MCU: variants seen among roughly 807,000 people sequenced by gnomAD.
The protein encoded by MCU is mitochondrial calcium uniporter.
In MCU, 12 loss-of-function variants were observed where a neutral mutation model predicts 45.2. The ratio of observed to expected loss-of-function variants is 0.27; its 90% CI spans 0.17 to 0.43. The LOEUF is 0.43. Ranked by LOEUF, MCU falls within the 20% of genes least tolerant of loss-of-function variation. MCU has a pLI of 1.00. For synonymous variants in MCU, 160 were observed against 165.1 expected, an observed-to-expected ratio of 0.97 and a Z score of 0.24; for missense variants, 324 against 436.7, an observed-to-expected ratio of 0.74 and a Z score of 2.30.
chr10:72,807,962 C>A (rs1030161962), intron 1 of MCU, among the ~76,000 whole-genome samples: 1 of 152,162 alleles, frequency 6.6e-6, no homozygotes, highest in Non-Finnish European at 1.5e-5. Context: ...TAAATGCAAT[C>A]TAGTCAATAA....
intron 1 of MCU, among the ~76,000 whole-genome samples, chr10:72,813,739 G>A (rs1475361453): frequency 5.3e-5 from 8 of 152,136 alleles, no homozygotes; most frequent in African/African-American, 1.4e-4. Context: ...GATTACAGGC[G>A]TGAGCCCCTG....
intron 1 of MCU, among the ~76,000 whole-genome samples, chr10:72,713,851 A>G (rs1021923904): frequency 1.3e-5 from 2 of 151,918 alleles, no homozygotes; most frequent in Admixed American, 6.6e-5. Flanking sequence ...AATTTAAAAA[A>G]TGTTTCTTAT....
At chr10:72,864,796 CAGTT>C (rs1457321825) in intron 4 of MCU, among the ~76,000 whole-genome samples, 1 of 152,104 alleles carries the variant, frequency 6.6e-6, no homozygotes, top group African/African-American at 2.4e-5. Flanking sequence ...AGATCAGGGA[CAGTT>C]AGCCATTTAT....
intron 1 of MCU, among the ~76,000 whole-genome samples, chr10:72,706,773 G>A (rs531320439): frequency 4.0e-4 from 60 of 149,630 alleles, no homozygotes; most frequent in Middle Eastern, 3.6e-3. Flanking sequence ...TTGACCTCAC[G>A]ATCTGCCCGC....
intron 1 of MCU, among the ~76,000 whole-genome samples, chr10:72,764,807 G>GGAAT (rs1390534711): frequency 2.6e-5 from 4 of 152,080 alleles, no homozygotes; most frequent in African/African-American, 9.7e-5. Flanking sequence ...AAGAGAATAG[G>GGAAT]ATTTATCAGG....
chr10:72,779,206 G>A (rs1843949391), intron 1 of MCU, among the ~76,000 whole-genome samples: 1 of 152,094 alleles, frequency 6.6e-6, no homozygotes, highest in Admixed American at 6.5e-5. Flanking sequence ...TTGACTTCGT[G>A]ATCCCCCCAC....
intron 1 of MCU, among the ~76,000 whole-genome samples, chr10:72,805,201 C>CCTTCCTTCCTTT (rs1157178901): frequency 1.4e-5 from 2 of 143,584 alleles, no homozygotes; most frequent in African/African-American, 5.4e-5. Context: ...TTCCTTCCTT[C>CCTTCCTTCCTTT]CTTTCTTCCT....
rs370076544 is a variant in MCU, at chr10:72,862,786, A to G, written c.496+2259A>G. ...TTAAGAATTGGGTTTAGGCCTGGTA[A>G]GGTGGCTCACACCTGTAATCCCAGC... On this transcript the variant is annotated intron_variant, in intron 4 of 7. Coordinates refer to ENST00000373053, the MANE Select transcript of MCU (RefSeq NM_138357.3). 3.2e-4 allele frequency among the ~76,000 whole-genome samples: 49 copies of G among 152,194 alleles called. No individual in the cohort carries two copies. The East Asian group carries it at 8.7e-3, about 27-fold the overall frequency.
intron 1 of MCU, among the ~76,000 whole-genome samples, chr10:72,722,433 C>T (rs1375963961): frequency 6.6e-6 from 1 of 150,902 alleles, no homozygotes; most frequent in East Asian, 1.9e-4. Flanking sequence ...GGAACTTTAA[C>T]CTCCCGCTTG....
intron 1 of MCU, among the ~76,000 whole-genome samples, chr10:72,742,022 C>CAAAAAAAAAA (rs59028044): frequency 1.1e-4 from 8 of 72,866 alleles, no homozygotes; most frequent in East Asian, 7.3e-4. Flanking sequence ...GACTCCGTCT[C>CAAAAAAAAAA]AAAAAAAAAA....
chr10:72,756,932 G>C (rs996945657), intron 1 of MCU: 1 of 151,922 alleles, frequency 6.6e-6, no homozygotes, highest in South Asian at 2.1e-4. Context: ...CAGGTACTTG[G>C]GAGGCTGAGG....
chr10:72,741,869 A>C (rs1333245723), intron 1 of MCU, among the ~76,000 whole-genome samples: 1 of 152,046 alleles, frequency 6.6e-6, no homozygotes, highest in Non-Finnish European at 1.5e-5. Context: ...TCTACTAAAA[A>C]TACCAAAAAT....
chr10:72,863,993 CACTT>C (rs1035288891), intron 4 of MCU, among the ~76,000 whole-genome samples: 17 of 152,174 alleles, frequency 1.1e-4, no homozygotes, highest in Admixed American at 7.2e-4. Flanking sequence ...CTTATGCACA[CACTT>C]ACAGACCATG....
intron 1 of MCU, among the ~76,000 whole-genome samples, chr10:72,738,100 G>T (rs1843276222): frequency 6.6e-6 from 1 of 152,150 alleles, no homozygotes; most frequent in African/African-American, 2.4e-5. Context: ...TGGGAACAGA[G>T]TTACAGTCTA....
intron 2 of MCU, among the ~76,000 whole-genome samples, chr10:72,842,035 T>C (rs899477209): frequency 1.3e-5 from 2 of 152,198 alleles, no homozygotes; most frequent in Non-Finnish European, 2.9e-5. Context: ...TCATAAACTC[T>C]TAGCCAAGCT....
At chr10:72,832,591 T>C (rs976761703) in intron 1 of MCU, among the ~76,000 whole-genome samples, 2 of 152,190 alleles carry the variant, frequency 1.3e-5, no homozygotes, top group Admixed American at 1.3e-4. Flanking sequence ...ATGGAAAGAC[T>C]TAACAAGATT....
intron 6 of MCU, among the ~76,000 whole-genome samples, chr10:72,877,948 C>T (rs1323301468): frequency 6.6e-6 from 1 of 151,978 alleles, no homozygotes; most frequent in Non-Finnish European, 1.5e-5. Context: ...TGTAGCTCAT[C>T]TTTCATTCAT....
chr10:72,846,928 C>T (rs1273519983), intron 2 of MCU, among the ~76,000 whole-genome samples: 2 of 152,178 alleles, frequency 1.3e-5, no homozygotes, highest in Non-Finnish European at 2.9e-5. Context: ...GAAACTTCCT[C>T]CCAGTGTGGT....
At chr10:72,756,213 G>A (rs1443892420) in intron 1 of MCU, among the ~76,000 whole-genome samples, 2 of 151,984 alleles carry the variant, frequency 1.3e-5, no homozygotes, top group African/African-American at 2.4e-5. Context: ...TCTTGAACTC[G>A]TGAGCTCAAG....
Sources: gnomAD v4.1 joint callset for allele counts (sites outside exome capture counted in the v4.1 genomes callset) on GRCh38, gnomAD v4.1.1 for gene constraint, MANE v1.5 for transcripts, NCBI Gene and HGNC (gene_info 2026-07-23, HGNC 2026-07-21) for gene names.